Variants in SPIDR observed in about 807,000 individuals in gnomAD.
The protein encoded by SPIDR is DNA repair-scaffolding protein.
A neutral mutation model predicts 104.6 loss-of-function variants in SPIDR; 93 were observed. The observed-to-expected ratio is 0.89, with a 90% CI of 0.75 to 1.06. SPIDR has a LOEUF of 1.06. Ranked by LOEUF, SPIDR falls within the 50% of genes least tolerant of loss-of-function variation. The pLI is 0.00. For missense variants in SPIDR, 1,154 were observed against 1,111.2 expected, an observed-to-expected ratio of 1.04 and a Z score of -0.55; for synonymous variants, 431 against 416.9, an observed-to-expected ratio of 1.03 and a Z score of -0.41.
intron 8 of SPIDR, among the ~76,000 whole-genome samples, chr8:47,444,705 A>G (rs935736218): frequency 1.3e-5 from 2 of 152,214 alleles, no homozygotes; most frequent in African/African-American, 2.4e-5. Flanking sequence ...ATTATTGGTC[A>G]TAGAATACCA....
At chr8:47,462,068 T>C (rs1317851136) in intron 8 of SPIDR, among the ~76,000 whole-genome samples, 1 of 152,122 alleles carries the variant, frequency 6.6e-6, no homozygotes, top group Non-Finnish European at 1.5e-5. Flanking sequence ...GATCTGGCAC[T>C]CAGGGCTAGT....
intron 7 of SPIDR, among the ~76,000 whole-genome samples, chr8:47,437,384 C>G (rs1461600541): frequency 3.9e-5 from 6 of 152,018 alleles, no homozygotes; most frequent in African/African-American, 1.2e-4. Context: ...GAGAATGATG[C>G]TTTCCAATTT....
intron 8 of SPIDR, among the ~76,000 whole-genome samples, chr8:47,493,016 G>GGAGA (rs35531714): frequency 1.3e-4 from 18 of 140,392 alleles, no homozygotes; most frequent in African/African-American, 4.4e-4. Context: ...TTGAGCCATT[G>GGAGA]GAGAGAGAGA....
At chr8:47,340,371 G>A (rs1344678576) in intron 5 of SPIDR, among the ~76,000 whole-genome samples, 2 of 152,110 alleles carry the variant, frequency 1.3e-5, no homozygotes, top group Non-Finnish European at 1.5e-5. Flanking sequence ...TTGGGAGGCC[G>A]AGGTGGGTAG....
intron 5 of SPIDR, among the ~76,000 whole-genome samples, chr8:47,321,958 A>G (rs1461607846): frequency 1.3e-5 from 2 of 152,222 alleles, no homozygotes; most frequent in Non-Finnish European, 2.9e-5. Flanking sequence ...GATGGATTAA[A>G]GACTTAAATG....
chr8:47,341,868 C>T (rs1458006522), intron 5 of SPIDR, among the ~76,000 whole-genome samples: 5 of 152,192 alleles, frequency 3.3e-5, no homozygotes, highest in African/African-American at 1.2e-4. Context: ...TTGGCATTCT[C>T]AGCAGCTCCT....
intron 8 of SPIDR, among the ~76,000 whole-genome samples, chr8:47,491,969 A>G (rs1266665105): frequency 6.6e-6 from 1 of 152,232 alleles, no homozygotes; most frequent in African/African-American, 2.4e-5. Context: ...AGGCCCCAGA[A>G]GGCCAGGCAG....
At chr8:47,286,338 T>C (rs2038846503) in intron 3 of SPIDR, among the ~76,000 whole-genome samples, 1 of 152,194 alleles carries the variant, frequency 6.6e-6, no homozygotes, top group African/African-American at 2.4e-5. Flanking sequence ...TTCCAATGAA[T>C]GACTCATAAC....
At chr8:47,554,222 T>TGTC (rs995827000) in intron 8 of SPIDR, among the ~76,000 whole-genome samples, 3 of 152,226 alleles carry the variant, frequency 2.0e-5, no homozygotes, top group Admixed American at 1.3e-4. Context: ...GGAGGCAGTC[T>TGTC]GTCCGTTCTC....
At chr8:47,329,304 C>T (rs943392867) in intron 5 of SPIDR, among the ~76,000 whole-genome samples, 4 of 152,064 alleles carry the variant, frequency 2.6e-5, no homozygotes, top group Non-Finnish European at 5.9e-5. Flanking sequence ...ATCTCCTGAC[C>T]TCATGATCCG....
At chr8:47,611,803 A>G (rs2063645587) in intron 10 of SPIDR, among the ~76,000 whole-genome samples, 1 of 152,250 alleles carries the variant, frequency 6.6e-6, no homozygotes, top group Non-Finnish European at 1.5e-5. Context: ...TTAAGCAACC[A>G]CAGGCAGATG....
chr8:47,543,717 C>G (rs534858532), intron 8 of SPIDR, among the ~76,000 whole-genome samples: 46 of 152,248 alleles, frequency 3.0e-4, no homozygotes, highest in African/African-American at 1.1e-3. Flanking sequence ...ATTTTTGGCC[C>G]TCTGGCATCA....
At chr8:47,313,764 C>T (rs2044703027) in intron 5 of SPIDR, among the ~76,000 whole-genome samples, 1 of 152,196 alleles carries the variant, frequency 6.6e-6, no homozygotes, top group African/African-American at 2.4e-5. Context: ...TGCCACATAT[C>T]TACAACCATC....
chr8:47,701,744 A>T lies in SPIDR; in HGVS notation c.1797A>T (p.Pro599=). The change falls in exon 13 of 20, where the codon CCA becomes CCT. Residue 599 remains proline (P), a synonymous_variant. Coordinates refer to ENST00000297423, the MANE Select transcript of SPIDR (RefSeq NM_001080394.4). ...CEEIKTHLPP[P]ALCYILTAHP... ...AGATAAAAACTCATCTGCCTCCTCC[A>T]GCCTTGTGTTACATCCTCACAGCTC... The T allele has an allele frequency of 6.2e-7, 1 of 1,614,178 alleles. No homozygotes were observed. Among genetic ancestry groups the T allele is most frequent in the Non-Finnish European group, 8.5e-7 (1 of 1,180,030 alleles).
At chr8:47,678,981 G>A (rs1054422694) in intron 11 of SPIDR, among the ~76,000 whole-genome samples, 1 of 152,146 alleles carries the variant, frequency 6.6e-6, no homozygotes, top group Non-Finnish European at 1.5e-5. Flanking sequence ...TGCCCTGCTA[G>A]CCTCTGCACT....
intron 11 of SPIDR, among the ~76,000 whole-genome samples, chr8:47,689,906 G>A (rs1293326471): frequency 6.6e-6 from 1 of 152,190 alleles, no homozygotes; most frequent in African/African-American, 2.4e-5. Flanking sequence ...GCACGTCAAT[G>A]TAAATTATTT....
At chr8:47,446,296 C>T (rs374703735) in intron 8 of SPIDR, among the ~76,000 whole-genome samples, 4 of 152,142 alleles carry the variant, frequency 2.6e-5, no homozygotes, top group Admixed American at 2.6e-4. Flanking sequence ...CTCGCTTGTG[C>T]TCTATAAATG....
chr8:47,508,567 T>C (rs751895977), intron 8 of SPIDR, among the ~76,000 whole-genome samples: 1 of 152,252 alleles, frequency 6.6e-6, no homozygotes, highest in African/African-American at 2.4e-5. Flanking sequence ...GATGCCGTGT[T>C]GCTTTCGGTT....
At chr8:47,305,349 C>T (rs1370470859) in intron 5 of SPIDR, among the ~76,000 whole-genome samples, 13 of 152,156 alleles carry the variant, frequency 8.5e-5, no homozygotes, top group Admixed American at 7.9e-4. Flanking sequence ...AAACAACAAG[C>T]TGGCTGGCAC....
Sources: allele counts gnomAD v4.1 joint callset (sites outside exome capture counted in the v4.1 genomes callset), GRCh38; gene constraint gnomAD v4.1.1; transcripts MANE v1.5; gene names NCBI Gene and HGNC (gene_info 2026-07-23, HGNC 2026-07-21).